OR10R2: variants seen among roughly 807,000 people sequenced by gnomAD.
OR10R2 encodes olfactory receptor 10R2.
Under a neutral mutation model 2.4 loss-of-function variants are expected in OR10R2, and 1 was observed. That is an observed-to-expected ratio of 0.41 (90% CI 0.15 to 1.95). OR10R2 has a LOEUF of 1.95. Ranked by LOEUF, OR10R2 falls within the 30% of genes most tolerant of loss-of-function variation. The probability of loss-of-function intolerance (pLI) is 0.30; values close to 1 mark genes in which losing one functional copy is unlikely to be tolerated. For missense variants in OR10R2, 419 were observed against 373.0 expected (o/e 1.12, Z -1.01); for synonymous variants, 166 against 144.8 (o/e 1.15, Z -1.05).
At chr1:158,472,719 A>AT (rs1186967345) in intron 1 of OR10R2, among the ~76,000 whole-genome samples, 1 of 152,196 alleles carries the variant, frequency 6.6e-6, no homozygotes, top group Admixed American at 6.5e-5. Context: ...ACGTGACAGC[A>AT]AAGGATTGGA....
At chr1:158,475,875 A>T (rs1372136255) in intron 1 of OR10R2, among the ~76,000 whole-genome samples, 2 of 151,836 alleles carry the variant, frequency 1.3e-5, no homozygotes, top group Non-Finnish European at 2.9e-5. Flanking sequence ...TCCGTTGAAA[A>T]TTTAAACTGA....
chr1:158,473,476 A>C (rs2101671145), intron 1 of OR10R2, among the ~76,000 whole-genome samples: 1 of 152,330 alleles, frequency 6.6e-6, no homozygotes, highest in Middle Eastern at 3.4e-3. Flanking sequence ...TATACAATAA[A>C]TAGTTTTTAA....
exon 2 of OR10R2, chr1:158,480,643 A>G: frequency 6.2e-7 from 1 of 1,613,960 alleles, no homozygotes; most frequent in Non-Finnish European, 8.5e-7. Flanking sequence ...GGGCAGACGG[A>G]AAGCGTTTTC....
At chr1:158,472,332 A>T (rs1034287477) in exon 1 of OR10R2, 1 of 398,910 alleles carries the variant, frequency 2.5e-6, no homozygotes, top group African/African-American at 2.1e-5. Flanking sequence ...CACAATGACC[A>T]CTGTTCTGGG....
At chr1:158,472,317 A>G (rs968571298) in exon 1 of OR10R2, 4 of 399,048 alleles carry the variant, frequency 1.0e-5, no homozygotes, top group Admixed American at 4.4e-5. Flanking sequence ...CCCATACAGA[A>G]GAGGCACAAT....
At chr1:158,472,674 T>C (rs1322093895) in intron 1 of OR10R2, among the ~76,000 whole-genome samples, 2 of 152,196 alleles carry the variant, frequency 1.3e-5, no homozygotes, top group Non-Finnish European at 2.9e-5. Context: ...AATTCAGAAA[T>C]TGTTGAGATT....
intron 1 of OR10R2, among the ~76,000 whole-genome samples, chr1:158,479,422 G>A (rs1245083932): frequency 6.6e-6 from 1 of 152,090 alleles, no homozygotes; most frequent in East Asian, 1.9e-4. Flanking sequence ...AGATTTCTCT[G>A]TATATGTCTC....
chr1:158,472,700 T>C (rs962413602), intron 1 of OR10R2, among the ~76,000 whole-genome samples: 2 of 152,304 alleles, frequency 1.3e-5, no homozygotes, highest in Non-Finnish European at 2.9e-5. Context: ...CAAATTGCAG[T>C]CTACAAATAC....
exon 2 of OR10R2, chr1:158,480,826 G>A: frequency 3.7e-6 from 6 of 1,601,182 alleles, no homozygotes; most frequent in Non-Finnish European, 4.3e-6. Context: ...AAACAAGGAT[G>A]TCCAACTTGC....
intron 1 of OR10R2, among the ~76,000 whole-genome samples, chr1:158,478,385 G>A (rs1656311318): frequency 6.6e-6 from 1 of 152,062 alleles, no homozygotes; most frequent in Non-Finnish European, 1.5e-5. Flanking sequence ...CTACCTGTTA[G>A]AACCTGAGGG....
At chr1:158,480,348 C>G (rs1223314275) in exon 2 of OR10R2, 4 of 1,613,988 alleles carry the variant, frequency 2.5e-6, no homozygotes, top group Non-Finnish European at 3.4e-6. Flanking sequence ...CTCTTATGAG[C>G]TGGCAGGTGT....
chr1:158,480,472 T>A (rs763325796), exon 2 of OR10R2: 1 of 1,613,444 alleles, frequency 6.2e-7, no homozygotes, highest in East Asian at 2.2e-5. Flanking sequence ...TCATTACTTC[T>A]GTGACATCTC....
chr1:158,479,894 T>C lies in OR10R2; in HGVS notation c.28-44T>C, dbSNP rs543828261. 1.2e-5 allele frequency: 19 copies of C among 1,607,644 alleles called. 2 individuals carry two copies. The Admixed American group carries it at 2.5e-4, about 21-fold the overall frequency. Reference sequence around the variant, plus strand: ...AAGGAGTGCATGCCCCAAATTCTTATATTCACATACCTGAATATGTTTTAC... The same window carrying C: ...AAGGAGTGCATGCCCCAAATTCTTACATTCACATACCTGAATATGTTTTAC... On this transcript the variant is annotated intron_variant, in intron 1 of 1. Coordinates refer to ENST00000641067, the Ensembl canonical transcript of OR10R2.
chr1:158,479,887 A>G (rs1480269570), intron 1 of OR10R2, 51 bp from the exon 2 acceptor site: 1 of 1,602,126 alleles, frequency 6.2e-7, no homozygotes, highest in Non-Finnish European at 8.5e-7. Context: ...CATGCCCCAA[A>G]TTCTTATATT....
At chr1:158,474,948 T>G (rs555125758) in intron 1 of OR10R2, among the ~76,000 whole-genome samples, 1 of 151,920 alleles carries the variant, frequency 6.6e-6, no homozygotes, top group Admixed American at 6.6e-5. Flanking sequence ...CAAAAAAAAA[T>G]TAATAATAGT....
exon 2 of OR10R2, chr1:158,480,897 AT>A: frequency 8.6e-7 from 1 of 1,163,360 alleles, no homozygotes; most frequent in Non-Finnish European, 1.2e-6. Context: ...ATATTATTAC[AT>A]TTTAGATTTC....
At chr1:158,477,348 A>C (rs1184741732) in intron 1 of OR10R2, among the ~76,000 whole-genome samples, 1 of 152,208 alleles carries the variant, frequency 6.6e-6, no homozygotes, top group Non-Finnish European at 1.5e-5. Context: ...AAATAGGAAG[A>C]AAATGTCAAA....
intron 1 of OR10R2, among the ~76,000 whole-genome samples, chr1:158,472,624 T>G (rs186789910): frequency 6.6e-6 from 1 of 152,326 alleles, no homozygotes; most frequent in Non-Finnish European, 1.5e-5. Context: ...TTTATGTCAT[T>G]TTAAAGATGT....
chr1:158,477,305 A>G (rs927512891), intron 1 of OR10R2, among the ~76,000 whole-genome samples: 61 of 152,186 alleles, frequency 4.0e-4, no homozygotes, highest in Non-Finnish European at 5.4e-4. Flanking sequence ...TACCACTCCT[A>G]TTCAAGGCAA....
Sources: gnomAD v4.1 joint callset for allele counts (sites outside exome capture counted in the v4.1 genomes callset) on GRCh38, gnomAD v4.1.1 for gene constraint, MANE v1.5 for transcripts, NCBI Gene and HGNC (gene_info 2026-07-23, HGNC 2026-07-21) for gene names.